Variants in MRPL10 observed in about 807,000 individuals in gnomAD.
MRPL10 encodes the protein mitochondrial ribosomal protein L10.
A neutral mutation model predicts 19.8 loss-of-function variants in MRPL10; 14 were observed. The ratio of observed to expected loss-of-function variants is 0.71; its 90% CI spans 0.47 to 1.11. The LOEUF (loss-of-function observed/expected upper bound fraction) is 1.11, where lower values mean the gene tolerates loss of function less well. MRPL10 is among the 50% of genes least tolerant of loss of function. MRPL10 has a pLI of 0.00. For synonymous variants in MRPL10, 129 were observed against 139.2 expected (o/e 0.93, Z 0.52); for missense variants, 318 against 339.6 (o/e 0.94, Z 0.50).
chr17:47,828,537 T>C lies in MRPL10; in HGVS notation c.186A>G (p.Pro62=). The C allele has an allele frequency of 2.7e-6, 4 of 1,469,678 alleles. No homozygotes were observed. The highest frequency in any genetic ancestry group is 2.9e-5 in the South Asian group (2 of 69,676). The allele number at this position is 1,469,678 out of a possible 1,614,324, so 91.0% of individuals were successfully genotyped here. A position where few individuals can be genotyped will look rare whatever the true frequency, so the allele number is the denominator to read the frequency against. The change falls in exon 2 of 5, where the codon CCA becomes CCG. Residue 62 remains proline, a synonymous_variant. Transcript: ENST00000351111. ...EYIPPKPAIH[P]SCLPSPPSPP... ...GGCTGGGAGGAGATGGCAGGCATGA[T>C]GGGTGGATGGCTGGTTTCGGGGGGA...
intron 1 of MRPL10, chr17:47,831,251 T>G: frequency 1.5e-6 from 2 of 1,343,578 alleles, no homozygotes; most frequent in Non-Finnish European, 1.0e-6. Context: ...GGGCGAGGAG[T>G]GGTCCAGGCA....
In MRPL10 at chr17:47,827,023, A is replaced by G; in HGVS notation, c.387+17T>C. 6.3e-7 allele frequency: 1 copy of G among 1,596,618 alleles called. No individual in the cohort carries two copies. Among genetic ancestry groups the G allele is most frequent in the Non-Finnish European group, 8.5e-7 (1 of 1,170,742 alleles). On this transcript the variant is annotated intron_variant, in intron 3 of 4. Coordinates refer to ENST00000351111, the MANE Select transcript of MRPL10 (RefSeq NM_145255.4). ...GGGGGAAGATGGGCAACCCATGCCA[A>G]GGGGCCTGCTCCCTACCTGGTTGGG...
Position 47,831,494 on chromosome 17 carries a change from C to T in MRPL10, c.18G>A (p.Ala6=). The part of the protein sequence containing the change: MAAAV[A]GMLRGGLLPQ... ...GCAGGAGACCCCCTCGCAGCATCCC[C>T]GCCACGGCCGCAGCCATCTCCACCG... The change falls in exon 1 of 5, where the codon GCG becomes GCA. Residue 6 remains alanine (A), a synonymous_variant. Transcript: ENST00000351111. The T allele has an allele frequency of 6.5e-7, 1 of 1,550,062 alleles. No homozygotes were observed. Among genetic ancestry groups the T allele is most frequent in the East Asian group, 2.4e-5 (1 of 40,884 alleles).
chr17:47,824,885 G>A (rs1396305023), intron 4 of MRPL10, among the ~76,000 whole-genome samples: 1 of 151,662 alleles, frequency 6.6e-6, no homozygotes, highest in African/African-American at 2.4e-5. Context: ...ATGGTGGCGA[G>A]CGCCTGTAAT....
Position 47,828,569 on chromosome 17 carries a change from C to A in MRPL10, c.154G>T (p.Glu52Ter). The A allele has an allele frequency of 2.0e-6, 3 of 1,509,010 alleles. No homozygotes were observed. The highest frequency in any genetic ancestry group is 2.5e-5 in the Admixed American group (1 of 39,266). The allele number at this position is 1,509,010 out of a possible 1,614,324, so 93.5% of individuals were successfully genotyped here. ...FQRQKLMAVT[E>*]YIPPKPAIHP... ...ATGGCTGGTTTCGGGGGGATATATT[C>A]AGTCACAGCCATCAGCTTCTGCCGC... The change falls in exon 2 of 5, where the codon GAA (glutamate) becomes TAA (stop). Residue 52 changes from glutamate to a stop codon, truncating the protein, a stop_gained. Transcript: ENST00000351111. LOFTEE classifies it high-confidence loss of function.
At chr17:47,828,203 C>CAAA in intron 2 of MRPL10, 4 of 164,166 alleles carry the variant, frequency 2.4e-5, no homozygotes, top group South Asian at 2.2e-4. Flanking sequence ...TACTCCATCT[C>CAAA]AAAAAAAAAA....
rs761724419 is a variant in MRPL10, at chr17:47,824,239, C to T, written c.752G>A (p.Gly251Glu). ...REKDSVMSAN[G>E]KPDPDTVPDS is the part of the protein sequence containing the mutation. ...CGGAACAGTGTCAGGATCTGGCTTC[C>T]CATTGGCCGACATGACAGAATCCTT... The change falls in exon 5 of 5, where the codon GGG (glycine) becomes GAG (glutamate). Residue 251 changes from glycine to glutamate, a missense_variant. Physicochemically the swap from Gly to Glu is moderately conservative, Grantham distance 98. Transcript: ENST00000351111. 1 of 1,614,054 alleles carries T rather than the reference C, an allele frequency of 6.2e-7. No homozygotes were observed. The highest frequency in any genetic ancestry group is 8.5e-7 in the Non-Finnish European group (1 of 1,180,036).
At position 47,831,515 on chromosome 17, in the gene MRPL10, C is replaced by T; in HGVS notation, c.-4G>A. On this transcript the variant is annotated 5_prime_UTR_variant, in exon 1 of 5. Transcript: ENST00000351111. ...TCCCCGCCACGGCCGCAGCCATCTCCACCGGAAGAATGGACGGAAGCCGAG... is the reference window on the plus strand; with the variant it reads ...TCCCCGCCACGGCCGCAGCCATCTCTACCGGAAGAATGGACGGAAGCCGAG... The T allele has an allele frequency of 6.5e-7, 1 of 1,550,138 alleles. No homozygotes were observed. The highest frequency in any genetic ancestry group is 8.7e-7 in the Non-Finnish European group (1 of 1,146,686).
intron 4 of MRPL10, among the ~76,000 whole-genome samples, 189 bp downstream of exon 4, chr17:47,826,448 A>C (rs2033533944): frequency 6.6e-6 from 1 of 152,088 alleles, no homozygotes; most frequent in South Asian, 2.1e-4. Context: ...TGCAGAAGTG[A>C]CCTGGGGTAG....
At position 47,824,181 on chromosome 17, in the gene MRPL10, C is replaced by T. The variant is rs575162663; in HGVS notation, c.*24G>A. The T allele has an allele frequency of 9.9e-6, 16 of 1,613,896 alleles. No homozygotes were observed. Among genetic ancestry groups the T allele is most frequent in the African/African-American group, 1.3e-5 (1 of 75,046 alleles). On this transcript the variant is annotated 3_prime_UTR_variant, in exon 5 of 5. Coordinates refer to ENST00000351111, the MANE Select transcript of MRPL10 (RefSeq NM_145255.4). ...GCCAATAACGCAGAGTGTATTTATGCGCAGGGCTGGCTAAACAGGCTGGCT... is the reference window on the plus strand; with the variant it reads ...GCCAATAACGCAGAGTGTATTTATGTGCAGGGCTGGCTAAACAGGCTGGCT...
chr17:47,827,249 C>G (rs368570214), intron 2 of MRPL10, 45 bp from the exon 3 acceptor site: 2 of 1,548,184 alleles, frequency 1.3e-6, no homozygotes, highest in Non-Finnish European at 1.8e-6. Flanking sequence ...GCTGCCACTT[C>G]TCCTGGCAAC....
At chr17:47,827,231 G>A (rs372742672) in intron 2 of MRPL10, 27 bp from the exon 3 acceptor site, 9 of 1,576,096 alleles carry the variant, frequency 5.7e-6, no homozygotes, top group Non-Finnish European at 7.8e-6. Context: ...ATGACCAAGG[G>A]TACATCAGCT....
At position 47,823,981 on chromosome 17, in the gene MRPL10, T is replaced by C; in HGVS notation, c.*224A>G. The stretch of plus-strand genomic sequence containing the variant: ...CTGGAGAATGGAGAGACTTTGCTCC[T>C]ATCACGTCCCAAGTTGGGAAAACTA... On this transcript the variant is annotated 3_prime_UTR_variant, in exon 5 of 5. Transcript: ENST00000351111. The C allele has an allele frequency of 1.7e-6, 1 of 589,728 alleles. No individual in the cohort carries two copies. The highest frequency in any genetic ancestry group is 3.0e-6 in the Non-Finnish European group (1 of 335,880). 36.5% of individuals were successfully genotyped at this position (589,728 alleles called of 1,614,324 possible).
At chr17:47,828,203 C>CAAAA in intron 2 of MRPL10, 1 of 164,178 alleles carries the variant, frequency 6.1e-6, no homozygotes, top group East Asian at 1.3e-4. Flanking sequence ...TACTCCATCT[C>CAAAA]AAAAAAAAAA....
intron 2 of MRPL10, among the ~76,000 whole-genome samples, chr17:47,827,823 G>C (rs2033558330): frequency 6.7e-6 from 1 of 148,762 alleles, no homozygotes; most frequent in Non-Finnish European, 1.5e-5. Flanking sequence ...CTTGAACCCA[G>C]GAGGCAGAGG....
rs745695926 is a variant in MRPL10, at chr17:47,826,734, G to A, written c.435C>T (p.Pro145=). The change falls in exon 4 of 5, where the codon CCC becomes CCT. Residue 145 remains proline (P), a synonymous_variant. Coordinates refer to ENST00000351111, the MANE Select transcript of MRPL10 (RefSeq NM_145255.4). ...GCAGCATGTTGTGCCCCACAAAAAG[G>A]GGCAGCAGATTTTGGTACTTGGAAT... ...LEDSKYQNLL[P]LFVGHNMLLV... 6 of 1,614,226 alleles carry A rather than the reference G, an allele frequency of 3.7e-6. No individual in the cohort carries two copies. The highest frequency in any genetic ancestry group is 5.1e-6 in the Non-Finnish European group (6 of 1,180,050).
intron 2 of MRPL10, 21 bp from the exon 3 acceptor site, chr17:47,827,225 C>G: frequency 1.9e-6 from 3 of 1,590,278 alleles, no homozygotes; most frequent in Non-Finnish European, 2.6e-6. Context: ...AAAGCAATGA[C>G]CAAGGGTACA....
At chr17:47,830,049 C>T (rs1598040394) in intron 1 of MRPL10, among the ~76,000 whole-genome samples, 2 of 152,190 alleles carry the variant, frequency 1.3e-5, no homozygotes, top group Non-Finnish European at 2.9e-5. Context: ...GTTACCAAGA[C>T]GGGTCACAAA....
At chr17:47,828,800 G>T in intron 1 of MRPL10, 130 bp from the exon 2 acceptor site, 1 of 646,978 alleles carries the variant, frequency 1.5e-6, no homozygotes, top group Non-Finnish European at 2.3e-6. Flanking sequence ...CACAAGAGTG[G>T]GACAAGGAAT....
Sources: gnomAD v4.1 joint callset for allele counts (sites outside exome capture counted in the v4.1 genomes callset) on GRCh38, gnomAD v4.1.1 for gene constraint, MANE v1.5 for transcripts, NCBI Gene and HGNC (gene_info 2026-07-23, HGNC 2026-07-21) for gene names.